ASF1A: variants seen among roughly 807,000 people sequenced by gnomAD.
ASF1A encodes anti-silencing function 1A histone chaperone.
Under a neutral mutation model 22.0 loss-of-function variants are expected in ASF1A, and 5 were observed. The observed-to-expected ratio is 0.23, with a 90% CI of 0.12 to 0.48. ASF1A has a LOEUF of 0.48. Ranked by LOEUF, ASF1A falls within the 20% of genes least tolerant of loss-of-function variation. The pLI, the probability that ASF1A is intolerant of heterozygous loss-of-function variation, is 0.99. For synonymous variants in ASF1A, 97 were observed against 86.7 expected (o/e 1.12, Z -0.66); for missense variants, 137 against 240.6 (o/e 0.57, Z 2.85).
intron 2 of ASF1A, 138 bp from the exon 3 acceptor site, chr6:118,905,514 T>C (rs1780121554): frequency 6.4e-6 from 4 of 622,552 alleles, no homozygotes; most frequent in Non-Finnish European, 1.1e-5. Context: ...GAAATGAGCA[T>C]TTTCCTTCCC....
At chr6:118,907,007 A>T (rs1780227783) in intron 3 of ASF1A, among the ~76,000 whole-genome samples, 1 of 152,198 alleles carries the variant, frequency 6.6e-6, no homozygotes, top group Non-Finnish European at 1.5e-5. Context: ...AATAAGTTGT[A>T]TTTGACAATT....
chr6:118,900,161 G>A (rs1779708163), intron 1 of ASF1A, among the ~76,000 whole-genome samples: 1 of 151,924 alleles, frequency 6.6e-6, no homozygotes. Context: ...AAGAATGTAT[G>A]ACACAGGGGG....
intron 1 of ASF1A, among the ~76,000 whole-genome samples, chr6:118,896,080 C>T (rs1342434779): frequency 2.7e-5 from 4 of 149,204 alleles, no homozygotes; most frequent in East Asian, 3.9e-4. Flanking sequence ...AGCATAAATG[C>T]ACATACATAT....
chr6:118,896,775 G>A (rs4946367), intron 1 of ASF1A, among the ~76,000 whole-genome samples: 84,132 of 151,906 alleles, frequency 0.55, 23,993 homozygotes, highest in East Asian at 0.65. Context: ...GCTTCTAATA[G>A]GTTCCATACT....
intron 2 of ASF1A, chr6:118,901,096 G>A (rs1189320111): frequency 4.4e-5 from 20 of 455,478 alleles, no homozygotes; most frequent in African/African-American, 5.9e-5. Context: ...TTAATGTGAC[G>A]TTTACTTTAG....
Position 118,908,535 on chromosome 6 carries a change from C to A in ASF1A, c.*921C>A, listed in dbSNP as rs997404163. 4.6e-5 allele frequency: 7 copies of A among 152,050 alleles called. No homozygotes were observed. Among genetic ancestry groups the A allele is most frequent in the African/African-American group, 1.7e-4 (7 of 41,478 alleles). The allele number at this position is 152,050 out of a possible 1,614,324, so 9.4% of individuals were successfully genotyped here. A position where few individuals can be genotyped will look rare whatever the true frequency, so the allele number is the denominator to read the frequency against. ...ATATTTAGCTTTATTATAATAGATA[C>A]GTTACTATTTTGGAAATATATATAT... On this transcript the variant is annotated 3_prime_UTR_variant, in exon 4 of 4. Transcript: ENST00000229595.
At position 118,905,742 on chromosome 6, in the gene ASF1A, T is replaced by C; in HGVS notation, c.316T>C (p.Phe106Leu). Reference protein sequence around the residue: ...LITCTYRGQEFIRVGYYVNNE... With the variant: ...LITCTYRGQELIRVGYYVNNE... ...TACTTGTACCTATCGAGGACAAGAA[T>C]TTATTAGAGTTGGCTATTATGTAAA... Residue 106 changes from phenylalanine (F) to leucine (L), a missense_variant, in exon 3 of 4, where the codon TTT becomes CTT. Physicochemically the swap from Phe to Leu is conservative, Grantham distance 22 (BLOSUM62 0). Transcript: ENST00000229595. 1 of 1,613,554 alleles carries C rather than the reference T, an allele frequency of 6.2e-7. No individual in the cohort carries two copies. Among genetic ancestry groups the C allele is most frequent in the Non-Finnish European group, 8.5e-7 (1 of 1,179,548 alleles).
At chr6:118,900,186 A>G (rs1779713291) in intron 1 of ASF1A, among the ~76,000 whole-genome samples, 1 of 152,186 alleles carries the variant, frequency 6.6e-6, no homozygotes, top group Non-Finnish European at 1.5e-5. Context: ...CGTAAGGGAA[A>G]AACCCTACCA....
rs886313878 is a variant in ASF1A at position 118,908,604 on chromosome 6, G to A, written c.*990G>A. 3.3e-5 allele frequency: 5 copies of A among 152,064 alleles called. No homozygotes were observed. Among genetic ancestry groups the A allele is most frequent in the African/African-American group, 9.7e-5 (4 of 41,406 alleles). The allele number at this position is 152,064 out of a possible 1,614,324, so 9.4% of individuals were successfully genotyped here. On this transcript the variant is annotated 3_prime_UTR_variant, in exon 4 of 4. Transcript: ENST00000229595. ...CTTCCCCATTTCCTCTGACACTCAT[G>A]CAGAATGAGATCAGGCATATTTGTG...
At chr6:118,899,896 GTC>G (rs1421386573) in intron 1 of ASF1A, among the ~76,000 whole-genome samples, 4 of 152,190 alleles carry the variant, frequency 2.6e-5, no homozygotes, top group Non-Finnish European at 4.4e-5. Context: ...AGATGAAGAG[GTC>G]TCTCAGAGAT....
rs1276784529 is a variant in ASF1A at position 118,905,839 on chromosome 6, TA to T, written c.402+12del. On this transcript the variant is annotated intron_variant, in intron 3 of 3. Coordinates refer to ENST00000229595, the MANE Select transcript of ASF1A (RefSeq NM_014034.3). ...CCAGACTTTTCTAAGGTAATGTTCT[TA>T]CTATTCCTTTTTAACTACTTTTACT... 2.6e-5 allele frequency: 40 copies of T among 1,556,074 alleles called. No homozygotes were observed. Among genetic ancestry groups the T allele is most frequent in the Non-Finnish European group, 3.5e-5 (40 of 1,145,574 alleles).
At chr6:118,898,272 A>G (rs1779570854) in intron 1 of ASF1A, among the ~76,000 whole-genome samples, 1 of 152,198 alleles carries the variant, frequency 6.6e-6, no homozygotes, top group African/African-American at 2.4e-5. Context: ...TGCCCAGTAT[A>G]TAGTAGGTAT....
At position 118,894,218 on chromosome 6, in the gene ASF1A, G is replaced by A. The variant is rs534746521; in HGVS notation, c.-196G>A. The A allele has an allele frequency of 7.1e-7, 1 of 1,412,190 alleles. No individual in the cohort carries two copies. Among genetic ancestry groups the A allele is most frequent in the East Asian group, 2.6e-5 (1 of 38,560 alleles). The allele number at this position is 1,412,190 out of a possible 1,614,324, so 87.5% of individuals were successfully genotyped here. Reference sequence around the variant, plus strand: ...TCAGAGCAGAATGGGCTGTAGTTTAGTGAAATAGGAAAGCTGCAAAACACT... The same window carrying A: ...TCAGAGCAGAATGGGCTGTAGTTTAATGAAATAGGAAAGCTGCAAAACACT... On this transcript the variant is annotated 5_prime_UTR_variant, in exon 1 of 4. It adds an upstream start codon to the 5' untranslated region. Transcript: ENST00000229595.
rs957509131 is a variant in ASF1A, at chr6:118,908,324, G to A, written c.*710G>A. The stretch of plus-strand genomic sequence containing the variant: ...ATTTCTTGAATCATACATCATTATT[G>A]TCCAGTGAATTCAAGACCAAATACA... On this transcript the variant is annotated 3_prime_UTR_variant, in exon 4 of 4. Transcript: ENST00000229595. The A allele has an allele frequency of 2.0e-5, 3 of 152,004 alleles. No individual in the cohort carries two copies. The highest frequency in any genetic ancestry group is 7.2e-5 in the African/African-American group (3 of 41,384). The allele number at this position is 152,004 out of a possible 1,614,324, so 9.4% of individuals were successfully genotyped here.
intron 1 of ASF1A, among the ~76,000 whole-genome samples, chr6:118,895,624 T>C (rs893482149): frequency 6.6e-6 from 1 of 152,160 alleles, no homozygotes; most frequent in African/African-American, 2.4e-5. Context: ...GTCTTAAAAA[T>C]ACGTATTTTT....
chr6:118,896,051 T>G (rs1030823603), intron 1 of ASF1A, among the ~76,000 whole-genome samples: 1 of 151,816 alleles, frequency 6.6e-6, no homozygotes, highest in African/African-American at 2.4e-5. Context: ...GTTTTTTTTT[T>G]TTTTTTAAAC....
intron 2 of ASF1A, among the ~76,000 whole-genome samples, chr6:118,904,574 G>A (rs1038597985): frequency 3.9e-5 from 6 of 152,298 alleles, no homozygotes; most frequent in Middle Eastern, 3.4e-3. Flanking sequence ...TACCACGGAT[G>A]GGGCCCTGCC....
In ASF1A at chr6:118,907,526, C is replaced by T; in HGVS notation, c.527C>T (p.Thr176Ile). 1.2e-6 allele frequency: 2 copies of T among 1,613,652 alleles called. No homozygotes were observed. Among genetic ancestry groups the T allele is most frequent in the Non-Finnish European group, 8.5e-7 (1 of 1,179,658 alleles). The change falls in exon 4 of 4, where the codon ACA (threonine) becomes ATA (isoleucine). Residue 176 changes from threonine to isoleucine, a missense_variant. Around this residue, in one of 2 missense-constraint regions of ASF1A, gnomAD observed 41 missense variants for 43.9 expected, o/e 0.93. Coordinates refer to ENST00000229595, the MANE Select transcript of ASF1A (RefSeq NM_014034.3). Reference sequence around the variant, plus strand: ...CCAAATCTACAGTCACTTCTTTCAACAGATGCATTACCTTCAGCATCAAAG... The same window carrying T: ...CCAAATCTACAGTCACTTCTTTCAATAGATGCATTACCTTCAGCATCAAAG... The part of the protein sequence containing the change: ...SNPNLQSLLS[T>I]DALPSASKGW...
At position 118,907,449 on chromosome 6, in the gene ASF1A, C is replaced by T; in HGVS notation, c.450C>T (p.His150=). The stretch of plus-strand genomic sequence containing the variant: ...CTAATCCCAGGGTCACAAGATTCCA[C>T]ATTAATTGGGAAGATAACACAGAAA... The part of the protein sequence containing the change: ...LASNPRVTRF[H]INWEDNTEKL... The change falls in exon 4 of 4, where the codon CAC becomes CAT. Residue 150 remains histidine (H), a synonymous_variant. Coordinates refer to ENST00000229595, the MANE Select transcript of ASF1A (RefSeq NM_014034.3). The T allele has an allele frequency of 6.2e-7, 1 of 1,611,870 alleles. No homozygotes were observed. Among genetic ancestry groups the T allele is most frequent in the Non-Finnish European group, 8.5e-7 (1 of 1,178,752 alleles).
Sources: gnomAD v4.1 joint callset for allele counts (sites outside exome capture counted in the v4.1 genomes callset) on GRCh38, gnomAD v4.1.1 for gene constraint, gnomAD v4.1.1 regional missense constraint, MANE v1.5 for transcripts, NCBI Gene and HGNC (gene_info 2026-07-23, HGNC 2026-07-21) for gene names.